Variants in ST6GAL1 observed in about 807,000 individuals in gnomAD.
The protein encoded by ST6GAL1 is ST6 beta-galactoside alpha-2,6-sialyltransferase 1, also known as beta-galactoside alpha-2,6-sialyltransferase 1.
In ST6GAL1, 20 loss-of-function variants were observed where a neutral mutation model predicts 38.0. That is an observed-to-expected ratio of 0.53 (90% CI 0.37 to 0.77). The LOEUF (loss-of-function observed/expected upper bound fraction) is 0.77, where lower values mean the gene tolerates loss of function less well. Among genes scored for constraint, ST6GAL1 ranks in the 30% least tolerant of loss-of-function variants. The pLI is 0.00. For synonymous variants in ST6GAL1, 196 were observed against 188.2 expected, an observed-to-expected ratio of 1.04 and a Z score of -0.34; for missense variants, 432 against 496.4, an observed-to-expected ratio of 0.87 and a Z score of 1.23.
At chr3:186,940,972 G>A (rs1020643849) in intron 1 of ST6GAL1, among the ~76,000 whole-genome samples, 4 of 152,150 alleles carry the variant, frequency 2.6e-5, no homozygotes, top group Admixed American at 1.3e-4. Flanking sequence ...ATCAAGTTCT[G>A]GAAAGGATGG....
intron 2 of ST6GAL1, among the ~76,000 whole-genome samples, chr3:186,988,249 G>T (rs767075234): frequency 1.2e-4 from 18 of 152,160 alleles, no homozygotes; most frequent in Non-Finnish European, 2.4e-4. Context: ...TGATGGTTCA[G>T]TTGGTTTACA....
chr3:186,954,301 T>C (rs1289042325), intron 1 of ST6GAL1, among the ~76,000 whole-genome samples: 4 of 152,214 alleles, frequency 2.6e-5, no homozygotes. Context: ...TATGCGTGCA[T>C]GTATCTTTAT....
intron 2 of ST6GAL1, among the ~76,000 whole-genome samples, chr3:186,971,234 G>C (rs111408676): frequency 2.0e-5 from 3 of 152,312 alleles, no homozygotes; most frequent in African/African-American, 7.2e-5. Context: ...GATTACAGGT[G>C]TGCGCCACCA....
intron 2 of ST6GAL1, among the ~76,000 whole-genome samples, chr3:187,030,470 G>A (rs1270243024): frequency 6.6e-6 from 1 of 152,128 alleles, no homozygotes; most frequent in African/African-American, 2.4e-5. Flanking sequence ...GTCTTGCTCT[G>A]TTGTCCAGGC....
intron 5 of ST6GAL1, among the ~76,000 whole-genome samples, chr3:187,064,225 A>G (rs1719017852): frequency 6.6e-6 from 1 of 152,250 alleles, no homozygotes; most frequent in Non-Finnish European, 1.5e-5. Context: ...TTTTACTCGT[A>G]TGATGGAACC....
intron 2 of ST6GAL1, among the ~76,000 whole-genome samples, chr3:186,996,840 G>A (rs1011434389): frequency 6.6e-6 from 1 of 151,666 alleles, no homozygotes; most frequent in African/African-American, 2.4e-5. Context: ...CACTACATAC[G>A]TGTCCCCCGC....
In ST6GAL1 at chr3:187,043,217, G is replaced by A. The variant is rs764983228; in HGVS notation, c.514G>A (p.Glu172Lys). 24 of 1,614,076 alleles carry A rather than the reference G, an allele frequency of 1.5e-5. No homozygotes were observed. The East Asian group carries it at 5.1e-4, about 34-fold the overall frequency. ...TGAATGGGAGGGTTATCTGCCCAAG[G>A]AGAGCATTAGGACCAAGGCTGGGCC... ...TSEWEGYLPK[E>K]SIRTKAGPWG... The change falls in exon 4 of 8, where the codon GAG (glutamate) becomes AAG (lysine). Residue 172 changes from glutamate (E) to lysine (K), a missense_variant. Glu to Lys is a moderately conservative substitution (Grantham distance 56). Coordinates refer to ENST00000169298, the MANE Select transcript of ST6GAL1 (RefSeq NM_173216.2).
At chr3:186,992,033 C>T (rs1417888894) in intron 2 of ST6GAL1, among the ~76,000 whole-genome samples, 1 of 152,172 alleles carries the variant, frequency 6.6e-6, no homozygotes, top group Non-Finnish European at 1.5e-5. Context: ...CAAACTGAGC[C>T]CTTCAGACTC....
chr3:186,998,641 T>G (rs1376258711), intron 2 of ST6GAL1, among the ~76,000 whole-genome samples: 1 of 152,212 alleles, frequency 6.6e-6, no homozygotes, highest in African/African-American at 2.4e-5. Context: ...TAAATGGAAC[T>G]GTGCTGTTTA....
intron 2 of ST6GAL1, among the ~76,000 whole-genome samples, chr3:186,968,129 A>G (rs1326734015): frequency 6.6e-6 from 1 of 152,226 alleles, no homozygotes; most frequent in Non-Finnish European, 1.5e-5. Context: ...GTAGAAAGGC[A>G]TCACAGTACG....
At chr3:186,965,535 A>C (rs1028431037) in intron 2 of ST6GAL1, among the ~76,000 whole-genome samples, 7 of 152,270 alleles carry the variant, frequency 4.6e-5, no homozygotes, top group African/African-American at 1.7e-4. Context: ...TAGGTTCAGA[A>C]AATTATAAAG....
chr3:187,065,889 A>G (rs1335841886), intron 5 of ST6GAL1, among the ~76,000 whole-genome samples: 2 of 152,234 alleles, frequency 1.3e-5, no homozygotes, highest in South Asian at 2.1e-4. Context: ...ATGACCACCA[A>G]CCACCATTTT....
chr3:186,969,581 T>TATTGGATATGCTTTGCAA (rs1370082806), intron 2 of ST6GAL1, among the ~76,000 whole-genome samples: 1 of 152,256 alleles, frequency 6.6e-6, no homozygotes, highest in African/African-American at 2.4e-5. Flanking sequence ...ATAAGTCCTT[T>TATTGGATATGCTTTGCAA]ATTGGATATG....
At chr3:187,010,820 GC>G (rs1716930699) in intron 2 of ST6GAL1, among the ~76,000 whole-genome samples, 3 of 152,176 alleles carry the variant, frequency 2.0e-5, no homozygotes, top group Non-Finnish European at 4.4e-5. Flanking sequence ...TAGTCTTAAA[GC>G]CCCTGCACCT....
At chr3:186,995,319 C>T (rs1365254661) in intron 2 of ST6GAL1, among the ~76,000 whole-genome samples, 2 of 151,356 alleles carry the variant, frequency 1.3e-5, no homozygotes, top group Non-Finnish European at 2.9e-5. Context: ...CCATCCTGGC[C>T]AACATGGTGA....
intron 2 of ST6GAL1, among the ~76,000 whole-genome samples, chr3:187,033,017 A>T (rs1717805192): frequency 6.6e-6 from 1 of 152,240 alleles, no homozygotes; most frequent in Non-Finnish European, 1.5e-5. Context: ...CCTTGCAGCC[A>T]GGTTAATATT....
chr3:186,983,877 A>C (rs547678607), intron 2 of ST6GAL1, among the ~76,000 whole-genome samples: 1 of 152,228 alleles, frequency 6.6e-6, no homozygotes, highest in South Asian at 2.1e-4. Flanking sequence ...GCTGATCAAG[A>C]ACATCCGAAA....
chr3:186,958,130 G>C (rs1714807894), intron 1 of ST6GAL1, among the ~76,000 whole-genome samples: 1 of 148,496 alleles, frequency 6.7e-6, no homozygotes, highest in African/African-American at 2.4e-5. Context: ...GGAATGTTGA[G>C]GGCTGAATTC....
chr3:186,936,954 A>AG (rs1328278410), intron 1 of ST6GAL1, among the ~76,000 whole-genome samples: 7 of 151,290 alleles, frequency 4.6e-5, no homozygotes, highest in Non-Finnish European at 8.8e-5. Flanking sequence ...AAAAAAAAAA[A>AG]AAAAAAAAGA....
Sources: allele counts gnomAD v4.1 joint callset (sites outside exome capture counted in the v4.1 genomes callset), GRCh38; gene constraint gnomAD v4.1.1; transcripts MANE v1.5; gene names NCBI Gene and HGNC (gene_info 2026-07-23, HGNC 2026-07-21).